The following FMN2 variants were observed in gnomAD, a reference collection of about 807,000 sequenced individuals.
FMN2 encodes formin 2.
A neutral mutation model predicts 142.3 loss-of-function variants in FMN2; 51 were observed. The observed-to-expected ratio is 0.36, with a 90% CI of 0.29 to 0.45. FMN2 has a LOEUF of 0.45. FMN2 is among the 20% of genes least tolerant of loss of function. FMN2 has a pLI of 1.00. For synonymous variants in FMN2, 882 were observed against 869.8 expected (o/e 1.01, Z -0.25); for missense variants, 1,936 against 2,122.8 (o/e 0.91, Z 1.73).
At chr1:240,368,396 A>G (rs1362835612) in intron 14 of FMN2, among the ~76,000 whole-genome samples, 1 of 152,164 alleles carries the variant, frequency 6.6e-6, no homozygotes, top group Non-Finnish European at 1.5e-5. Context: ...TTCCTTTAAT[A>G]TCTGCCCAAA....
intron 4 of FMN2, among the ~76,000 whole-genome samples, chr1:240,189,290 T>A (rs898120361): frequency 6.6e-6 from 1 of 152,206 alleles, no homozygotes. Flanking sequence ...CACCCAACTA[T>A]GCTTTTGTCA....
intron 13 of FMN2, among the ~76,000 whole-genome samples, chr1:240,342,092 G>A (rs1034074059): frequency 3.3e-5 from 5 of 152,106 alleles, no homozygotes; most frequent in African/African-American, 1.2e-4. Flanking sequence ...ATCATAGTTC[G>A]ATGACTTCTA....
intron 8 of FMN2, among the ~76,000 whole-genome samples, chr1:240,314,639 C>T (rs956160753): frequency 1.3e-5 from 2 of 152,134 alleles, no homozygotes; most frequent in African/African-American, 4.8e-5. Context: ...AGCTTTGATC[C>T]TTGCCGCTAT....
chr1:240,323,416 G>A (rs369760985), intron 8 of FMN2, among the ~76,000 whole-genome samples: 13 of 152,160 alleles, frequency 8.5e-5, no homozygotes, highest in East Asian at 7.8e-4. Context: ...GGCTGATATC[G>A]AACTCCAGAA....
chr1:240,159,902 T>TTATTTA (rs1664191001), intron 2 of FMN2, among the ~76,000 whole-genome samples: 3 of 83,968 alleles, frequency 3.6e-5, no homozygotes, highest in African/African-American at 1.8e-4. Context: ...TATATATATC[T>TTATTTA]GTGTATATAT....
chr1:240,460,575 T>G (rs1025032150), intron 16 of FMN2, among the ~76,000 whole-genome samples: 2 of 151,820 alleles, frequency 1.3e-5, no homozygotes, highest in Non-Finnish European at 2.9e-5. Context: ...AAACTCTGTC[T>G]CAAAAAACAG....
In FMN2 at chr1:240,361,170, T is replaced by A. The variant is rs552175901; in HGVS notation, c.4858+5262T>A. 7.9e-3 allele frequency among the ~76,000 whole-genome samples: 653 copies of A among 83,000 alleles called. 16 individuals carry two copies. The highest frequency in any genetic ancestry group is 0.029 in the African/African-American group (563 of 19,614). The allele number at this position is 83,000 out of a possible 152,430, so 54.5% of individuals were successfully genotyped here. ...ATATATATATATATATATATATATA[T>A]ATATATATATATATAAAAGAGTTTA... On this transcript the variant is annotated intron_variant, in intron 14 of 17. Coordinates refer to ENST00000319653, the MANE Select transcript of FMN2 (RefSeq NM_020066.5).
chr1:240,260,003 T>C (rs1668574733), intron 7 of FMN2, among the ~76,000 whole-genome samples: 1 of 152,212 alleles, frequency 6.6e-6, no homozygotes, highest in African/African-American at 2.4e-5. Flanking sequence ...ACATACAATG[T>C]TTGGTTTTCC....
At chr1:240,445,009 C>A (rs1254774621) in intron 16 of FMN2, among the ~76,000 whole-genome samples, 1 of 152,176 alleles carries the variant, frequency 6.6e-6, no homozygotes, top group Non-Finnish European at 1.5e-5. Flanking sequence ...TCTTTTCATT[C>A]AGGCATCAAT....
intron 4 of FMN2, among the ~76,000 whole-genome samples, chr1:240,201,869 AG>A (rs2103373783): frequency 6.6e-6 from 1 of 152,284 alleles, no homozygotes; most frequent in Non-Finnish European, 1.5e-5. Context: ...TTTTATGGGA[AG>A]TTTGGAAGGT....
intron 14 of FMN2, among the ~76,000 whole-genome samples, chr1:240,365,474 T>C (rs1399240469): frequency 6.6e-6 from 1 of 152,214 alleles, no homozygotes; most frequent in African/African-American, 2.4e-5. Context: ...CAAGTGTATA[T>C]GTTTTAGATA....
At chr1:240,142,748 C>T in intron 2 of FMN2, 1 of 1,606,968 alleles carries the variant, frequency 6.2e-7, no homozygotes, top group East Asian at 2.2e-5. Flanking sequence ...CCTCAGTGGC[C>T]AATTCTGCCC....
In FMN2 at chr1:240,270,204, G is replaced by GTC. The variant is rs543541485; in HGVS notation, c.4153+12174_4153+12175dup. Among the ~76,000 whole-genome samples, 379 of 152,092 alleles carry GTC rather than the reference G, an allele frequency of 2.5e-3. 1 individual carries two copies. Among genetic ancestry groups the GTC allele is most frequent in the South Asian group, 0.022 (107 of 4,828 alleles). ...CCTTTATCATATTAAGAAACATTCT[G>GTC]TCTATACCCAATTTGTTGGGAGTTT... On this transcript the variant is annotated intron_variant, in intron 7 of 17. Transcript: ENST00000319653.
chr1:240,238,674 C>T (rs80081276), intron 6 of FMN2, among the ~76,000 whole-genome samples: 5 of 152,092 alleles, frequency 3.3e-5, no homozygotes, highest in African/African-American at 4.8e-5. Context: ...AGTACAATTA[C>T]GTTGGAAATC....
In FMN2 at chr1:240,091,917, C is replaced by T. The variant is rs1339225184; in HGVS notation, c.-193C>T. ...GCCGCAGCGACGGCAGCCACGGGAG[C>T]CGCCGCGCATTATGCAAAGCGGCGG... On this transcript the variant is annotated 5_prime_UTR_variant, in exon 1 of 18. Coordinates refer to ENST00000319653, the MANE Select transcript of FMN2 (RefSeq NM_020066.5). 24 of 972,472 alleles carry T rather than the reference C, an allele frequency of 2.5e-5. No individual in the cohort carries two copies. Among genetic ancestry groups the T allele is most frequent in the Admixed American group, 4.3e-5 (1 of 23,462 alleles). 60.2% of individuals were successfully genotyped at this position (972,472 alleles called of 1,614,324 possible). A position where few individuals can be genotyped will look rare whatever the true frequency, so the allele number is the denominator to read the frequency against.
At chr1:240,101,860 T>TATA (rs1661428411) in intron 1 of FMN2, among the ~76,000 whole-genome samples, 1 of 152,134 alleles carries the variant, frequency 6.6e-6, no homozygotes, top group Non-Finnish European at 1.5e-5. Context: ...AGCTATGTTA[T>TATA]ATAATGTATG....
intron 8 of FMN2, among the ~76,000 whole-genome samples, chr1:240,327,316 C>T (rs2103009741): frequency 6.6e-6 from 1 of 152,274 alleles, no homozygotes; most frequent in East Asian, 1.9e-4. Flanking sequence ...TTAAAAGAAA[C>T]TTCTTTTGAG....
chr1:240,222,817 G>A (rs2103426113), intron 6 of FMN2, among the ~76,000 whole-genome samples: 1 of 152,328 alleles, frequency 6.6e-6, no homozygotes, highest in Non-Finnish European at 1.5e-5. Context: ...GTATAGGAAT[G>A]TTTGTGATTT....
At chr1:240,264,123 T>A (rs145394303) in intron 7 of FMN2, among the ~76,000 whole-genome samples, 1 of 152,288 alleles carries the variant, frequency 6.6e-6, no homozygotes, top group African/African-American at 2.4e-5. Flanking sequence ...TAAGGGTACC[T>A]TACAAGGACA....
Sources: gnomAD v4.1 joint callset for allele counts (sites outside exome capture counted in the v4.1 genomes callset) on GRCh38, gnomAD v4.1.1 for gene constraint, MANE v1.5 for transcripts, NCBI Gene and HGNC (gene_info 2026-07-23, HGNC 2026-07-21) for gene names.